Variants in CASP4 observed in about 807,000 individuals in gnomAD.
The protein encoded by CASP4 is caspase 4.
CASP4 carries 29 observed loss-of-function variants against 41.3 expected under a neutral mutation model. The observed-to-expected ratio is 0.70, with a 90% CI of 0.52 to 0.96. The LOEUF (loss-of-function observed/expected upper bound fraction) is 0.96. Ranked by LOEUF, CASP4 falls within the 40% of genes least tolerant of loss-of-function variation. The probability of loss-of-function intolerance (pLI) is 0.00; values close to 1 mark genes in which losing one functional copy is unlikely to be tolerated. For synonymous variants in CASP4, 185 were observed against 158.4 expected (o/e 1.17, Z -1.26); for missense variants, 447 against 460.6 (o/e 0.97, Z 0.27).
In CASP4 at chr11:104,949,658, A is replaced by G. The variant is rs531358849; in HGVS notation, c.666T>C (p.Asp222=). ...ILEGICGTVH[D]EKKPDVLLYD... is the part of the protein sequence containing the mutation. Reference sequence around the variant, plus strand: ...AAAGCAGCACATCTGGTTTTTTCTCATCATGCACAGTTCCGCAGATTCCCT... The same window carrying G: ...AAAGCAGCACATCTGGTTTTTTCTCGTCATGCACAGTTCCGCAGATTCCCT... Residue 222 remains aspartate, a synonymous_variant, in exon 5 of 9, where the codon GAT becomes GAC. Coordinates refer to ENST00000444739, the MANE Select transcript of CASP4 (RefSeq NM_001225.4). 1.9e-6 allele frequency: 3 copies of G among 1,612,866 alleles called. No homozygotes were observed.
At chr11:104,946,073 G>A (rs1273695856) in intron 7 of CASP4, among the ~76,000 whole-genome samples, 1 of 151,916 alleles carries the variant, frequency 6.6e-6, no homozygotes, top group Non-Finnish European at 1.5e-5. Flanking sequence ...TCAAATTCCT[G>A]GGTTCAAGCC....
intron 7 of CASP4, 63 bp from the exon 8 acceptor site, chr11:104,944,914 C>T: frequency 8.9e-7 from 1 of 1,118,226 alleles, no homozygotes; most frequent in Non-Finnish European, 1.4e-6. Context: ...AAGCATCTTT[C>T]ACCATGTACC....
At chr11:104,965,829 A>G (rs929980169) in intron 1 of CASP4, among the ~76,000 whole-genome samples, 2 of 152,164 alleles carry the variant, frequency 1.3e-5, no homozygotes, top group Non-Finnish European at 2.9e-5. Flanking sequence ...ATCACTTTAT[A>G]AAATCTAATA....
At position 104,952,929 on chromosome 11, in the gene CASP4, G is replaced by T. The variant is rs370162378; in HGVS notation, c.263-924C>A. On this transcript the variant is annotated intron_variant, in intron 2 of 8. Coordinates refer to ENST00000444739, the MANE Select transcript of CASP4 (RefSeq NM_001225.4). Reference sequence around the variant, plus strand: ...GAAAATTCTGCCAATGTGAAGACATGCTGGATCCTGGATATTCCCTGGTCA... The same window carrying T: ...GAAAATTCTGCCAATGTGAAGACATTCTGGATCCTGGATATTCCCTGGTCA... 2.0e-5 allele frequency among the ~76,000 whole-genome samples: 3 copies of T among 152,170 alleles called. No homozygotes were observed. In the East Asian group the frequency reaches 5.8e-4, roughly 29 times the overall value.
At chr11:104,953,810 T>C (rs1012292288) in intron 2 of CASP4, among the ~76,000 whole-genome samples, 1 of 152,188 alleles carries the variant, frequency 6.6e-6, no homozygotes, top group Non-Finnish European at 1.5e-5. Flanking sequence ...ATTTAACCTT[T>C]AATAATACGT....
Position 104,948,637 on chromosome 11 carries a change from G to A in CASP4, c.821C>T (p.Ser274Phe). 1 of 1,609,998 alleles carries A rather than the reference G, an allele frequency of 6.2e-7. No individual in the cohort carries two copies. The highest frequency in any genetic ancestry group is 2.2e-5 in the East Asian group (1 of 44,828). Residue 274 changes from serine to phenylalanine, a missense_variant, in exon 6 of 9, where the codon TCC becomes TTC. Coordinates refer to ENST00000444739, the MANE Select transcript of CASP4 (RefSeq NM_001225.4). ...GELWVRDSPA[S>F]LEVASSQSSE... ...TGACTGTGAAGAGGCCACTTCCAAG[G>A]ATGCTGGAGAGTCTCTGACCCACAG... is the stretch of plus-strand genomic sequence containing the variant.
intron 6 of CASP4, 197 bp from the exon 7 acceptor site, chr11:104,947,389 A>G (rs1860491186): frequency 2.7e-6 from 1 of 374,758 alleles, no homozygotes; most frequent in East Asian, 4.0e-5. Flanking sequence ...AAGGTGATCA[A>G]AAGTTGCAGT....
intron 1 of CASP4, among the ~76,000 whole-genome samples, chr11:104,963,320 G>A (rs1272339359): frequency 1.3e-5 from 2 of 152,012 alleles, no homozygotes; most frequent in Non-Finnish European, 2.9e-5. Context: ...GGTAGCCTGA[G>A]ACTCCTTGAG....
At chr11:104,956,650 C>T in intron 1 of CASP4, 8 of 984,990 alleles carry the variant, frequency 8.1e-6, no homozygotes, top group Non-Finnish European at 9.6e-6. Context: ...ATTTAAGGGG[C>T]TCAGAAAACA....
At chr11:104,950,891 A>C (rs760597101) in intron 4 of CASP4, 34 bp downstream of exon 4, 1 of 1,597,268 alleles carries the variant, frequency 6.3e-7, no homozygotes, top group Non-Finnish European at 8.5e-7. Context: ...TGTCTTGAAT[A>C]TGTATGTGTT....
intron 2 of CASP4, among the ~76,000 whole-genome samples, chr11:104,952,880 T>C (rs867829729): frequency 6.6e-6 from 1 of 152,204 alleles, no homozygotes; most frequent in South Asian, 2.1e-4. Flanking sequence ...TACACAGTGA[T>C]ATATGACCTT....
chr11:104,953,623 T>C (rs556960975), intron 2 of CASP4, among the ~76,000 whole-genome samples: 3 of 152,264 alleles, frequency 2.0e-5, no homozygotes, highest in Admixed American at 6.5e-5. Flanking sequence ...CCCTTCTTCA[T>C]AGAGGAGTGC....
chr11:104,948,708 G>T (rs56205642), intron 5 of CASP4, 32 bp from the exon 6 acceptor site: 1 of 1,543,574 alleles, frequency 6.5e-7, no homozygotes. Context: ...GCACACTGCT[G>T]TGCCTCCCAC....
rs1373784920 is a variant in CASP4 at position 104,951,962 on chromosome 11, A to G, written c.306T>C (p.Ser102=). ...MEAGPPESGE[S]TDALKLCPHE... is the part of the protein sequence containing the mutation. Reference sequence around the variant, plus strand: ...GAGGACAAAGCTTGAGGGCATCTGTAGATTCTCCTGACTCAGGTGGTCCAG... The same window carrying G: ...GAGGACAAAGCTTGAGGGCATCTGTGGATTCTCCTGACTCAGGTGGTCCAG... The change falls in exon 3 of 9, where the codon TCT becomes TCC. Residue 102 remains serine, a synonymous_variant. Transcript: ENST00000444739. 1 of 1,612,944 alleles carries G rather than the reference A, an allele frequency of 6.2e-7. No homozygotes were observed. Among genetic ancestry groups the G allele is most frequent in the East Asian group, 2.2e-5 (1 of 44,858 alleles).
At chr11:104,956,994 A>C (rs1038787101) in intron 1 of CASP4, among the ~76,000 whole-genome samples, 1 of 152,164 alleles carries the variant, frequency 6.6e-6, no homozygotes, top group African/African-American at 2.4e-5. Context: ...CCTTTCTCTA[A>C]GATCAGGAAG....
Position 104,951,952 on chromosome 11 carries a change from G to T in CASP4, c.316C>A (p.Leu106Ile). 1 of 1,612,860 alleles carries T rather than the reference G, an allele frequency of 6.2e-7. No individual in the cohort carries two copies. The change falls in exon 3 of 9, where the codon CTC (leucine) becomes ATC (isoleucine). Residue 106 changes from leucine to isoleucine, a missense_variant. Coordinates refer to ENST00000444739, the MANE Select transcript of CASP4 (RefSeq NM_001225.4). ...PPESGESTDA[L>I]KLCPHEEFLR... is the part of the protein sequence containing the mutation. ...AATTCTTCATGAGGACAAAGCTTGA[G>T]GGCATCTGTAGATTCTCCTGACTCA...
chr11:104,948,267 A>G (rs973993051), intron 6 of CASP4: 2 of 235,922 alleles, frequency 8.5e-6, no homozygotes, highest in African/African-American at 4.5e-5. Flanking sequence ...CCTGGAATCC[A>G]TAAAAACACT....
chr11:104,967,444 T>A (rs1860998763), intron 1 of CASP4, among the ~76,000 whole-genome samples: 1 of 152,116 alleles, frequency 6.6e-6, no homozygotes, highest in Non-Finnish European at 1.5e-5. Flanking sequence ...TACACATGTT[T>A]CAAAAGGTAG....
chr11:104,958,895 A>T (rs1193398076), intron 1 of CASP4, among the ~76,000 whole-genome samples: 1 of 133,422 alleles, frequency 7.5e-6, no homozygotes, highest in Non-Finnish European at 1.6e-5. Context: ...CTAGAGGCGG[A>T]GGTTGCAGTG....
Sources: gnomAD v4.1 joint callset for allele counts (sites outside exome capture counted in the v4.1 genomes callset) on GRCh38, gnomAD v4.1.1 for gene constraint, MANE v1.5 for transcripts, NCBI Gene and HGNC (gene_info 2026-07-23, HGNC 2026-07-21) for gene names.